CD200R1L: variants seen among roughly 807,000 people sequenced by gnomAD.
CD200R1L encodes CD200 receptor 1 like, also known as cell surface glycoprotein CD200 receptor 2.
In CD200R1L, 14 loss-of-function variants were observed where a neutral mutation model predicts 24.8. The ratio of observed to expected loss-of-function variants is 0.56; its 90% CI spans 0.37 to 0.88. CD200R1L has a LOEUF of 0.88. Among genes scored for constraint, CD200R1L ranks in the 40% least tolerant of loss-of-function variants. The pLI, the probability that CD200R1L is intolerant of heterozygous loss-of-function variation, is 0.00. For synonymous variants in CD200R1L, 111 were observed against 109.2 expected, an observed-to-expected ratio of 1.02 and a Z score of -0.11; for missense variants, 299 against 297.8, an observed-to-expected ratio of 1.00 and a Z score of -0.03.
At chr3:112,826,167 A>G (rs1938652250) in intron 6 of CD200R1L, among the ~76,000 whole-genome samples, 1 of 152,068 alleles carries the variant, frequency 6.6e-6, no homozygotes, top group South Asian at 2.1e-4. Flanking sequence ...TATTAGTTGT[A>G]ATAATTATCA....
At chr3:112,832,506 T>C (rs1938825918) in intron 3 of CD200R1L, among the ~76,000 whole-genome samples, 1 of 151,934 alleles carries the variant, frequency 6.6e-6, no homozygotes, top group Non-Finnish European at 1.5e-5. Flanking sequence ...TAAATAAATA[T>C]TAATACTGAA....
chr3:112,817,660 AT>A (rs1431983491), intron 7 of CD200R1L, among the ~76,000 whole-genome samples: 2 of 152,206 alleles, frequency 1.3e-5, no homozygotes, highest in Admixed American at 1.3e-4. Context: ...CAAGAATTAA[AT>A]TTTTGTGGTG....
intron 6 of CD200R1L, among the ~76,000 whole-genome samples, chr3:112,822,619 A>G (rs1395346040): frequency 2.6e-5 from 4 of 152,112 alleles, no homozygotes; most frequent in African/African-American, 7.2e-5. Context: ...ACCTTGCCCT[A>G]TGCATCTCTT....
intron 2 of CD200R1L, 44 bp from the exon 3 acceptor site, chr3:112,838,054 T>A: frequency 1.1e-6 from 1 of 885,818 alleles, no homozygotes; most frequent in Non-Finnish European, 1.5e-6. Flanking sequence ...ATTAAGAACT[T>A]TTCTTTACTG....
intron 2 of CD200R1L, chr3:112,841,257 C>A (rs73225776): frequency 4.7e-5 from 21 of 449,936 alleles, no homozygotes; most frequent in South Asian, 3.2e-4. Flanking sequence ...CTTCTGCTGG[C>A]CATTTGAAGA....
chr3:112,826,134 ATAAT>A (rs1233102670), intron 6 of CD200R1L, among the ~76,000 whole-genome samples: 25 of 138,824 alleles, frequency 1.8e-4, no homozygotes, highest in African/African-American at 6.2e-4. Context: ...ATTATGAGGA[ATAAT>A]TAATATGATT....
chr3:112,836,065 T>C (rs1938935746), intron 3 of CD200R1L, among the ~76,000 whole-genome samples: 1 of 152,252 alleles, frequency 6.6e-6, no homozygotes, highest in Admixed American at 6.5e-5. Context: ...GTCTTGACTG[T>C]GCCTTCAGCC....
chr3:112,827,130 G>C lies in CD200R1L; in HGVS notation c.479C>G (p.Ala160Gly), dbSNP rs779042191. 6.2e-7 allele frequency: 1 copy of C among 1,613,550 alleles called. No homozygotes were observed. The highest frequency in any genetic ancestry group is 1.1e-5 in the South Asian group (1 of 91,054). Residue 160 changes from alanine to glycine, a missense_variant, in exon 6 of 8, where the codon GCC (alanine) becomes GGC (glycine). Physicochemically the swap from Ala to Gly is moderately conservative, Grantham distance 60. Transcript: ENST00000488794. ...ISWIPEGSIL[A>G]TKQEYWGNGT... ...ATTGCCCCAGTATTCTTGCTTAGTGGCAAGAATAGATCCCTCTGGGATCCA... is the reference window on the plus strand; with the variant it reads ...ATTGCCCCAGTATTCTTGCTTAGTGCCAAGAATAGATCCCTCTGGGATCCA...
intron 6 of CD200R1L, among the ~76,000 whole-genome samples, chr3:112,821,405 A>T (rs924737368): frequency 6.6e-6 from 1 of 152,250 alleles, no homozygotes; most frequent in Non-Finnish European, 1.5e-5. Context: ...GCAAGCAACT[A>T]CCTTTCCTTT....
chr3:112,825,904 G>A (rs1359817329), intron 6 of CD200R1L, among the ~76,000 whole-genome samples: 7 of 152,122 alleles, frequency 4.6e-5, no homozygotes, highest in Non-Finnish European at 8.8e-5. Context: ...TAGATAAGAC[G>A]TATGAAGTAA....
chr3:112,819,928 C>T (rs780041148), intron 6 of CD200R1L, 33 bp from the exon 7 acceptor site: 3 of 1,537,682 alleles, frequency 2.0e-6, no homozygotes, highest in Non-Finnish European at 2.6e-6. Flanking sequence ...AAAATCATTT[C>T]AAGCATTCTT....
In CD200R1L at chr3:112,829,346, G is replaced by A. The variant is rs1938741488; in HGVS notation, c.22C>T (p.Gln8Ter). 1 of 1,614,058 alleles carries A rather than the reference G, an allele frequency of 6.2e-7. No individual in the cohort carries two copies. Among genetic ancestry groups the A allele is most frequent in the Non-Finnish European group, 8.5e-7 (1 of 1,179,890 alleles). ...TCTGCAAAAATTGTTGAATAGTTCT[G>A]TGTCATCTGCTTTCCACCCATGCAT... MGGKQMT[Q>*]NYSTIFAEGN... The change falls in exon 4 of 8, where the codon CAG becomes TAG. Residue 8 changes from glutamine to a stop codon, truncating the protein, a stop_gained. Coordinates refer to ENST00000488794, the MANE Select transcript of CD200R1L (RefSeq NM_001199215.3). LOFTEE classifies it high-confidence loss of function.
chr3:112,846,597 T>C (rs1041834824), intron 1 of CD200R1L, 28 bp downstream of exon 1: 6 of 152,240 alleles, frequency 3.9e-5, no homozygotes, highest in South Asian at 2.1e-4. Context: ...GCCCAACATT[T>C]ATTTGTTGAA....
At chr3:112,825,595 G>A (rs1403306733) in intron 6 of CD200R1L, among the ~76,000 whole-genome samples, 1 of 151,964 alleles carries the variant, frequency 6.6e-6, no homozygotes, top group Non-Finnish European at 1.5e-5. Flanking sequence ...AGGTGATATA[G>A]AAGAGACAGT....
intron 6 of CD200R1L, 75 bp from the exon 7 acceptor site, chr3:112,819,970 G>T: frequency 7.4e-7 from 1 of 1,356,772 alleles, no homozygotes; most frequent in Non-Finnish European, 9.9e-7. Flanking sequence ...TCATTTTAAA[G>T]AACATTTTAA....
chr3:112,826,877 A>C, intron 6 of CD200R1L, 116 bp downstream of exon 6: 3 of 1,182,924 alleles, frequency 2.5e-6, no homozygotes, highest in Non-Finnish European at 2.4e-6. Context: ...AGTTTGAGAG[A>C]ATATTTTCAA....
intron 2 of CD200R1L, among the ~76,000 whole-genome samples, chr3:112,842,634 G>A (rs1939109050): frequency 6.6e-6 from 1 of 152,148 alleles, no homozygotes; most frequent in Non-Finnish European, 1.5e-5. Flanking sequence ...GAAAGTAGGA[G>A]AGATATCACT....
Position 112,829,949 on chromosome 3 carries a change from T to A in CD200R1L, c.-17-565A>T, listed in dbSNP as rs1311810850. Among the ~76,000 whole-genome samples the A allele has an allele frequency of 2.0e-5, 3 of 152,168 alleles. No homozygotes were observed. In the East Asian group the frequency reaches 5.8e-4, roughly 29 times the overall value. On this transcript the variant is annotated intron_variant, in intron 3 of 7. Transcript: ENST00000488794. The stretch of plus-strand genomic sequence containing the variant: ...ACACATTGTGGCCCTCCCAGTGACA[T>A]GAACTCCCAACAGTCACTGTGCCAT...
chr3:112,819,983 T>A (rs1228404318), intron 6 of CD200R1L, 88 bp from the exon 7 acceptor site: 5 of 1,279,698 alleles, frequency 3.9e-6, no homozygotes, highest in Non-Finnish European at 5.3e-6. Flanking sequence ...CATTTTAAAA[T>A]ATTCTTAAGA....
Sources: allele counts gnomAD v4.1 joint callset (sites outside exome capture counted in the v4.1 genomes callset), GRCh38; gene constraint gnomAD v4.1.1; transcripts MANE v1.5; gene names NCBI Gene and HGNC (gene_info 2026-07-23, HGNC 2026-07-21).